Variants in DRC5 observed in about 807,000 individuals in gnomAD.
DRC5 encodes T-complex-associated testis-expressed protein 1.
chr6:44,281,640 C>T, the DRC5 span, among the ~76,000 whole-genome samples: 1 of 152,244 alleles, frequency 6.6e-6, no homozygotes, highest in Non-Finnish European at 1.5e-5. Flanking sequence ...CCACCTCAGC[C>T]TCCCAAAGTG....
the DRC5 span, chr6:44,280,313 C>G: frequency 1.2e-6 from 2 of 1,614,190 alleles, no homozygotes; most frequent in East Asian, 4.5e-5. Flanking sequence ...TTTCCTGGGC[C>G]ACATCTGACA....
At chr6:44,291,051 G>A in the DRC5 span, among the ~76,000 whole-genome samples, 1 of 152,302 alleles carries the variant, frequency 6.6e-6, no homozygotes, top group Non-Finnish European at 1.5e-5. Flanking sequence ...CATGTTCCAG[G>A]GCCCTGAACC....
At chr6:44,293,523 A>G in the DRC5 span, among the ~76,000 whole-genome samples, 1 of 152,132 alleles carries the variant, frequency 6.6e-6, no homozygotes, top group East Asian at 1.9e-4. Context: ...TCTTATCCCC[A>G]TTTTACAGAT....
chr6:44,282,135 T>C, the DRC5 span: 1 of 1,613,702 alleles, frequency 6.2e-7, no homozygotes, highest in South Asian at 1.1e-5. Context: ...GCAGGACAGG[T>C]TGATGCTGGT....
At chr6:44,287,796 C>T in the DRC5 span, 1 of 1,614,114 alleles carries the variant, frequency 6.2e-7, no homozygotes, top group South Asian at 1.1e-5. Flanking sequence ...TGGGGTCCAA[C>T]AATGCTGATG....
At chr6:44,282,799 C>CTTTTTTTTTTT in the DRC5 span, among the ~76,000 whole-genome samples, 48 of 105,222 alleles carry the variant, frequency 4.6e-4, 1 homozygote, top group Non-Finnish European at 5.7e-4. Flanking sequence ...CCTTTTTTAT[C>CTTTTTTTTTTT]TTTTTTTTTT....
At chr6:44,297,471 G>C in the DRC5 span, among the ~76,000 whole-genome samples, 1 of 152,210 alleles carries the variant, frequency 6.6e-6, no homozygotes, top group African/African-American at 2.4e-5. Flanking sequence ...TGGAGGGCGT[G>C]GGGTCTCCCG....
the DRC5 span, among the ~76,000 whole-genome samples, chr6:44,283,469 T>C: frequency 6.6e-6 from 1 of 152,176 alleles, no homozygotes; most frequent in African/African-American, 2.4e-5. Flanking sequence ...CCCCCTCACC[T>C]TCCCGCTGGC....
the DRC5 span, among the ~76,000 whole-genome samples, chr6:44,293,930 A>G: frequency 1.3e-5 from 2 of 152,238 alleles, no homozygotes; most frequent in African/African-American, 4.8e-5. Flanking sequence ...TCATCATTTT[A>G]GGTCAAACAA....
At chr6:44,281,922 G>A in the DRC5 span, among the ~76,000 whole-genome samples, 1 of 152,136 alleles carries the variant, frequency 6.6e-6, no homozygotes, top group Non-Finnish European at 1.5e-5. Flanking sequence ...ATATGCTTAG[G>A]GTTAATATAC....
chr6:44,283,295 C>T, the DRC5 span, among the ~76,000 whole-genome samples: 5,250 of 152,260 alleles, frequency 0.034, 145 homozygotes, highest in African/African-American at 0.07. Context: ...CCTCCTCTCC[C>T]AGCCAAGATC....
the DRC5 span, chr6:44,286,588 A>ACTG: frequency 6.7e-7 from 1 of 1,499,064 alleles, no homozygotes; most frequent in Non-Finnish European, 9.0e-7. Flanking sequence ...ACACCTCAAC[A>ACTG]TGATGCCTCA....
the DRC5 span, chr6:44,282,107 C>T: frequency 6.2e-7 from 1 of 1,608,924 alleles, no homozygotes; most frequent in Non-Finnish European, 8.5e-7. Flanking sequence ...ATAGGTGGCT[C>T]ACCAGCCCGA....
the DRC5 span, chr6:44,288,014 C>T: frequency 3.1e-6 from 2 of 634,928 alleles, no homozygotes; most frequent in African/African-American, 3.7e-5. Flanking sequence ...AACGATCAGT[C>T]CCTGGAGTGA....
the DRC5 span, among the ~76,000 whole-genome samples, chr6:44,280,835 A>G: frequency 2.6e-5 from 4 of 152,320 alleles, no homozygotes; most frequent in East Asian, 7.7e-4. Flanking sequence ...GGACTGACAG[A>G]AGCACTAGCG....
the DRC5 span, among the ~76,000 whole-genome samples, chr6:44,285,538 T>C: frequency 6.6e-6 from 1 of 152,198 alleles, no homozygotes; most frequent in Admixed American, 6.5e-5. Flanking sequence ...ACTACAAGCG[T>C]GCCTGGACCT....
the DRC5 span, chr6:44,282,486 G>C: frequency 6.2e-7 from 1 of 1,610,354 alleles, no homozygotes; most frequent in Non-Finnish European, 8.5e-7. Flanking sequence ...CTCGAGGACT[G>C]GGTGGTCCAG....
chr6:44,287,535 A>C, the DRC5 span: 59 of 1,594,488 alleles, frequency 3.7e-5, no homozygotes, highest in Non-Finnish European at 4.8e-5. Context: ...CACCTAAAGC[A>C]GGGACAGACT....
the DRC5 span, among the ~76,000 whole-genome samples, chr6:44,285,099 G>A: frequency 1.3e-5 from 2 of 152,134 alleles, no homozygotes; most frequent in African/African-American, 4.8e-5. Flanking sequence ...TGCCCATAGA[G>A]CCTGTATGCA....
Sources: allele counts gnomAD v4.1 joint callset (sites outside exome capture counted in the v4.1 genomes callset), GRCh38; gene constraint gnomAD v4.1.1; transcripts MANE v1.5; gene names NCBI Gene and HGNC (gene_info 2026-07-23, HGNC 2026-07-21).